The following FBXL2 variants were observed in gnomAD, a reference collection of about 807,000 sequenced individuals.
The protein encoded by FBXL2 is F-box/LRR-repeat protein 2.
A neutral mutation model predicts 69.2 loss-of-function variants in FBXL2; 38 were observed. The observed-to-expected ratio is 0.55, with a 90% confidence interval of 0.42 to 0.72. FBXL2 has a LOEUF of 0.72. FBXL2 is among the 30% of genes least tolerant of loss of function. The pLI, the probability that FBXL2 is intolerant of heterozygous loss-of-function variation, is 0.00. For missense variants in FBXL2, 354 were observed against 520.3 expected, an observed-to-expected ratio of 0.68 and a Z score of 3.11; for synonymous variants, 192 against 201.3, an observed-to-expected ratio of 0.95 and a Z score of 0.39.
At chr3:33,401,032 A>G in intron 12 of FBXL2, 2 of 1,584,804 alleles carry the variant, frequency 1.3e-6, no homozygotes, top group Non-Finnish European at 1.7e-6. Flanking sequence ...GAGAAAGGAG[A>G]AAGAAGGAAA....
intron 2 of FBXL2, among the ~76,000 whole-genome samples, chr3:33,355,053 C>A (rs1418273863): frequency 5.3e-5 from 8 of 152,172 alleles, no homozygotes; most frequent in Non-Finnish European, 1.0e-4. Context: ...TCTCCACCTC[C>A]TGAGTAGCTG....
chr3:33,330,459 T>C (rs2039061004), intron 2 of FBXL2, among the ~76,000 whole-genome samples: 1 of 152,136 alleles, frequency 6.6e-6, no homozygotes, highest in African/African-American at 2.4e-5. Flanking sequence ...TAGTTAACAA[T>C]AATCTATTGT....
In FBXL2 at chr3:33,331,140, C is replaced by A. The variant is rs542030201; in HGVS notation, c.66-27827C>A. 8.6e-4 allele frequency among the ~76,000 whole-genome samples: 131 copies of A among 151,768 alleles called. 1 individual carries two copies. The highest frequency in any genetic ancestry group is 2.8e-3 in the African/African-American group (116 of 41,394). On this transcript the variant is annotated intron_variant, in intron 2 of 14. Coordinates refer to ENST00000484457, the MANE Select transcript of FBXL2 (RefSeq NM_012157.5). Reference sequence around the variant, plus strand: ...GGTAGTTGATATTCTAACCTATAGACCAGACTATGTACCATACTATTAATT... The same window carrying A: ...GGTAGTTGATATTCTAACCTATAGAACAGACTATGTACCATACTATTAATT...
At chr3:33,280,406 A>G (rs1050738831) in intron 1 of FBXL2, among the ~76,000 whole-genome samples, 5 of 152,138 alleles carry the variant, frequency 3.3e-5, no homozygotes, top group Admixed American at 2.6e-4. Context: ...ATATTCTACA[A>G]TTGTTACGAA....
chr3:33,324,137 C>G (rs1222572442), intron 2 of FBXL2, among the ~76,000 whole-genome samples: 2 of 149,194 alleles, frequency 1.3e-5, no homozygotes, highest in Non-Finnish European at 3.0e-5. Flanking sequence ...ATCCTTTGCC[C>G]ACTTTTTGAT....
intron 2 of FBXL2, among the ~76,000 whole-genome samples, chr3:33,307,515 T>G (rs2036825502): frequency 6.6e-6 from 1 of 152,100 alleles, no homozygotes; most frequent in African/African-American, 2.4e-5. Context: ...GTTGGCAGAT[T>G]TTGAATAATA....
At chr3:33,348,359 T>C (rs950019435) in intron 2 of FBXL2, among the ~76,000 whole-genome samples, 1 of 152,048 alleles carries the variant, frequency 6.6e-6, no homozygotes, top group Non-Finnish European at 1.5e-5. Flanking sequence ...TCTCTATTGT[T>C]CCATATGTGT....
chr3:33,360,727 A>G (rs1160391912), intron 4 of FBXL2, among the ~76,000 whole-genome samples: 1 of 152,016 alleles, frequency 6.6e-6, no homozygotes, highest in Non-Finnish European at 1.5e-5. Context: ...TTTGTTCACT[A>G]TGTTTACTTA....
intron 1 of FBXL2, among the ~76,000 whole-genome samples, chr3:33,288,476 G>C (rs1315668037): frequency 2.0e-5 from 3 of 152,162 alleles, no homozygotes; most frequent in Admixed American, 6.5e-5. Context: ...TCTAGGGTAG[G>C]GTTAGAGAGT....
At chr3:33,334,332 A>G (rs1353423981) in intron 2 of FBXL2, among the ~76,000 whole-genome samples, 1 of 152,196 alleles carries the variant, frequency 6.6e-6, no homozygotes, top group African/African-American at 2.4e-5. Context: ...AAGAGATGAG[A>G]TATTTCAAGG....
rs1167844164 is a variant in FBXL2 at position 33,311,848 on chromosome 3, TC to T, written c.65+14124del. Among the ~76,000 whole-genome samples the T allele has an allele frequency of 2.8e-4, 42 of 152,132 alleles. No homozygotes were observed. In the South Asian group the frequency reaches 7.9e-3, roughly 29 times the overall value. ...ACCGTGTTAGCCAGGATGGTCTCGATCTCCTGACCCCATGATCCCTCGCCTT... is the reference window on the plus strand; with the variant it reads ...ACCGTGTTAGCCAGGATGGTCTCGATTCCTGACCCCATGATCCCTCGCCTT... On this transcript the variant is annotated intron_variant, in intron 2 of 14. Coordinates refer to ENST00000484457, the MANE Select transcript of FBXL2 (RefSeq NM_012157.5).
intron 1 of FBXL2, among the ~76,000 whole-genome samples, chr3:33,281,676 T>C (rs908850046): frequency 6.6e-6 from 1 of 152,136 alleles, no homozygotes; most frequent in African/African-American, 2.4e-5. Flanking sequence ...GTAAAAGTGT[T>C]CCTATTTCTC....
chr3:33,409,318 G>T, the FBXL2 span: 1 of 1,614,106 alleles, frequency 6.2e-7, no homozygotes, highest in Non-Finnish European at 8.5e-7. Context: ...CTCTCGGTCA[G>T]TTTTTTGTTT....
chr3:33,327,548 A>T (rs1158684965), intron 2 of FBXL2, among the ~76,000 whole-genome samples: 1 of 152,182 alleles, frequency 6.6e-6, no homozygotes, highest in Non-Finnish European at 1.5e-5. Flanking sequence ...ACTACAGGTC[A>T]TGTGTCTAAT....
intron 13 of FBXL2, chr3:33,383,441 A>G (rs533484445): frequency 1.3e-5 from 2 of 157,014 alleles, no homozygotes; most frequent in East Asian, 3.7e-4. Flanking sequence ...TGTTTACCCA[A>G]GAGAAGTCAG....
At chr3:33,287,761 G>A (rs1022270103) in intron 1 of FBXL2, among the ~76,000 whole-genome samples, 38 of 152,300 alleles carry the variant, frequency 2.5e-4, no homozygotes, top group African/African-American at 8.2e-4. Context: ...CCAAAGCCTG[G>A]GCTCTTAACC....
chr3:33,359,839 A>G (rs2041487416), intron 4 of FBXL2, among the ~76,000 whole-genome samples: 1 of 152,186 alleles, frequency 6.6e-6, no homozygotes, highest in Non-Finnish European at 1.5e-5. Context: ...AAATAAAGTA[A>G]TAATTAAGTC....
the FBXL2 span, among the ~76,000 whole-genome samples, chr3:33,416,368 T>C: frequency 6.6e-6 from 1 of 152,190 alleles, no homozygotes; most frequent in African/African-American, 2.4e-5. Context: ...TTCATTCAGA[T>C]ACATGAGTAG....
intron 12 of FBXL2, chr3:33,401,029 G>A (rs1208742792): frequency 2.5e-6 from 4 of 1,582,006 alleles, no homozygotes; most frequent in Non-Finnish European, 3.4e-6. Flanking sequence ...GGGGAGAAAG[G>A]AGAAAGAAGG....
Sources: allele counts gnomAD v4.1 joint callset (sites outside exome capture counted in the v4.1 genomes callset), GRCh38; gene constraint gnomAD v4.1.1; transcripts MANE v1.5; gene names NCBI Gene and HGNC (gene_info 2026-07-23, HGNC 2026-07-21).